H2AC6: variants seen among roughly 807,000 people sequenced by gnomAD.
The protein encoded by H2AC6 is histone H2A type 1-C.
H2AC6 carries 5 observed loss-of-function variants against 6.8 expected under a neutral mutation model. That is an observed-to-expected ratio of 0.73 (90% CI 0.38 to 1.54). The LOEUF is 1.54. Among genes scored for constraint, H2AC6 ranks in the 40% most tolerant of loss-of-function variants. The pLI, the probability that H2AC6 is intolerant of heterozygous loss-of-function variation, is 0.03. For missense variants in H2AC6, 154 were observed against 180.7 expected (o/e 0.85, Z 0.85); for synonymous variants, 146 against 79.2 (o/e 1.84, Z -4.48).
rs780681950 is a variant in H2AC6 at position 26,124,301 on chromosome 6, T to A, written c.69T>A (p.Gly23=). 1 of 1,613,218 alleles carries A rather than the reference T, an allele frequency of 6.2e-7. No homozygotes were observed. Among genetic ancestry groups the A allele is most frequent in the Non-Finnish European group, 8.5e-7 (1 of 1,179,472 alleles). ...CGAAATCCCGCTCTTCTCGCGCTGGTCTCCAGTTCCCGGTGGGCCGAGTGC... is the reference window on the plus strand; with the variant it reads ...CGAAATCCCGCTCTTCTCGCGCTGGACTCCAGTTCCCGGTGGGCCGAGTGC... ...AKAKSRSSRA[G]LQFPVGRVHR... The change falls in exon 1 of 1, where the codon GGT becomes GGA. Residue 23 remains glycine, a synonymous_variant. Coordinates refer to ENST00000377791, the MANE Select transcript of H2AC6 (RefSeq NM_003512.4).
At position 26,124,259 on chromosome 6, in the gene H2AC6, C is replaced by G. The variant is rs760441547; in HGVS notation, c.27C>G (p.Gly9=). The change falls in exon 1 of 1, where the codon GGC becomes GGG. Residue 9 remains glycine (G), a synonymous_variant. Transcript: ENST00000377791. The part of the protein sequence containing the change: MSGRGKQG[G]KARAKAKSRS... ...TGTCTGGACGTGGTAAGCAAGGAGG[C>G]AAAGCTCGCGCCAAAGCGAAATCCC... 1.2e-6 allele frequency: 2 copies of G among 1,603,650 alleles called. No individual in the cohort carries two copies. The highest frequency in any genetic ancestry group is 8.5e-7 in the Non-Finnish European group (1 of 1,174,418).
Position 26,124,222 on chromosome 6 carries a change from G to C in H2AC6, c.-11G>C. The C allele has an allele frequency of 6.4e-7, 1 of 1,559,608 alleles. No homozygotes were observed. Among genetic ancestry groups the C allele is most frequent in the African/African-American group, 1.4e-5 (1 of 72,814 alleles). The stretch of plus-strand genomic sequence containing the variant: ...TAGGCCGCTGGTTTTGGTGATTTTT[G>C]TCTGATTGCAATGTCTGGACGTGGT... On this transcript the variant is annotated 5_prime_UTR_variant, in exon 1 of 1. Transcript: ENST00000377791.
In H2AC6 at chr6:26,124,411, C is replaced by T. The variant is rs1318156425; in HGVS notation, c.179C>T (p.Thr60Ile). 2 of 1,614,186 alleles carry T rather than the reference C, an allele frequency of 1.2e-6. No individual in the cohort carries two copies. The highest frequency in any genetic ancestry group is 1.7e-6 in the Non-Finnish European group (2 of 1,180,040). Residue 60 changes from threonine to isoleucine, a missense_variant, in exon 1 of 1, where the codon ACC (threonine) becomes ATC (isoleucine). By Grantham distance (89) the Thr-to-Ile change is moderately conservative. This residue lies in a region of H2AC6 where 111 missense variants were observed against 91.9 expected (regional missense o/e 1.21). Coordinates refer to ENST00000377791, the MANE Select transcript of H2AC6 (RefSeq NM_003512.4). Reference protein sequence around the residue: ...VYLAAVLEYLTAEILELAGNA... With the variant: ...VYLAAVLEYLIAEILELAGNA... ...CTGGCGGCGGTGTTAGAGTACCTGA[C>T]CGCCGAGATCCTGGAGCTGGCCGGC...
Position 26,124,648 on chromosome 6 carries a change from G to T in H2AC6, c.*23G>T, listed in dbSNP as rs1561956628. 6.2e-7 allele frequency: 1 copy of T among 1,603,070 alleles called. No homozygotes were observed. The highest frequency in any genetic ancestry group is 1.1e-5 in the South Asian group (1 of 90,304). On this transcript the variant is annotated 3_prime_UTR_variant, in exon 1 of 1. Transcript: ENST00000377791. ...TGATTTGACAGGTATCTGAGCTCCC[G>T]GAAACGCTATCAAACCCAAAGGCTC...
rs61736059 is a variant in H2AC6, at chr6:26,124,550, C to A, written c.318C>A (p.Gly106=). 6.2e-7 allele frequency: 1 copy of A among 1,614,064 alleles called. No homozygotes were observed. Among genetic ancestry groups the A allele is most frequent in the African/African-American group, 1.3e-5 (1 of 74,908 alleles). ...KLLGRVTIAQ[G]GVLPNIQAVL... ...TAGGCCGGGTGACCATTGCTCAGGG[C>A]GGCGTCCTTCCTAACATCCAGGCCG... Residue 106 remains glycine, a synonymous_variant, in exon 1 of 1, where the codon GGC becomes GGA. Transcript: ENST00000377791.
chr6:26,124,631 C>A lies in H2AC6; in HGVS notation c.*6C>A. 4 of 1,610,680 alleles carry A rather than the reference C, an allele frequency of 2.5e-6. No homozygotes were observed. The highest frequency in any genetic ancestry group is 3.4e-6 in the Non-Finnish European group (4 of 1,177,492). ...ACAAGGCCAAGGGCAAGTGATTTGA[C>A]AGGTATCTGAGCTCCCGGAAACGCT... On this transcript the variant is annotated 3_prime_UTR_variant, in exon 1 of 1. Coordinates refer to ENST00000377791, the MANE Select transcript of H2AC6 (RefSeq NM_003512.4).
At position 26,124,172 on chromosome 6, in the gene H2AC6, G is replaced by C. The variant is rs182845983; in HGVS notation, c.-61G>C. 2.0e-6 allele frequency: 3 copies of C among 1,524,124 alleles called. No individual in the cohort carries two copies. Among genetic ancestry groups the C allele is most frequent in the Non-Finnish European group, 2.6e-6 (3 of 1,138,614 alleles). The allele number at this position is 1,524,124 out of a possible 1,614,324, so 94.4% of individuals were successfully genotyped here. ...AGCGGCCATGTTTTACATATTTCTTGATTTTGTTTGTTTTCTCGTGAGCTT... is the reference window on the plus strand; with the variant it reads ...AGCGGCCATGTTTTACATATTTCTTCATTTTGTTTGTTTTCTCGTGAGCTT... On this transcript the variant is annotated 5_prime_UTR_variant, in exon 1 of 1. Transcript: ENST00000377791.
rs1351701804 is a variant in H2AC6, at chr6:26,124,208, T to C, written c.-25T>C. On this transcript the variant is annotated 5_prime_UTR_variant, in exon 1 of 1. Transcript: ENST00000377791. Reference sequence around the variant, plus strand: ...TTTTCTCGTGAGCTTAGGCCGCTGGTTTTGGTGATTTTTGTCTGATTGCAA... The same window carrying C: ...TTTTCTCGTGAGCTTAGGCCGCTGGCTTTGGTGATTTTTGTCTGATTGCAA... 1.9e-6 allele frequency: 3 copies of C among 1,551,040 alleles called. No individual in the cohort carries two copies. In the East Asian group the frequency reaches 6.8e-5, roughly 35 times the overall value.
chr6:26,124,367 G>A lies in H2AC6; in HGVS notation c.135G>A (p.Gly45=). ...LRKGNYAERV[G]AGAPVYLAAV... is the part of the protein sequence containing the mutation. ...AAGGCAACTACGCAGAGCGGGTTGG[G>A]GCAGGCGCGCCGGTGTACCTGGCGG... Residue 45 remains glycine (G), a synonymous_variant, in exon 1 of 1, where the codon GGG becomes GGA. Coordinates refer to ENST00000377791, the MANE Select transcript of H2AC6 (RefSeq NM_003512.4). 4 of 1,614,122 alleles carry A rather than the reference G, an allele frequency of 2.5e-6. No homozygotes were observed. Among genetic ancestry groups the A allele is most frequent in the Non-Finnish European group, 3.4e-6 (4 of 1,180,024 alleles).
rs974940089 is a variant in H2AC6, at chr6:26,124,568, C to T, written c.336C>T (p.Ile112=). Residue 112 remains isoleucine, a synonymous_variant, in exon 1 of 1, where the codon ATC becomes ATT. Coordinates refer to ENST00000377791, the MANE Select transcript of H2AC6 (RefSeq NM_003512.4). The part of the protein sequence containing the change: ...TIAQGGVLPN[I]QAVLLPKKTE... ...CTCAGGGCGGCGTCCTTCCTAACAT[C>T]CAGGCCGTGCTTCTGCCTAAGAAGA... is the stretch of plus-strand genomic sequence containing the variant. 3 of 1,614,210 alleles carry T rather than the reference C, an allele frequency of 1.9e-6. No homozygotes were observed. The highest frequency in any genetic ancestry group is 2.2e-5 in the East Asian group (1 of 44,890).
In H2AC6 at chr6:26,124,400, A is replaced by G. The variant is rs779319951; in HGVS notation, c.168A>G (p.Leu56=). 2 of 1,614,076 alleles carry G rather than the reference A, an allele frequency of 1.2e-6. No individual in the cohort carries two copies. Among genetic ancestry groups the G allele is most frequent in the African/African-American group, 1.3e-5 (1 of 75,012 alleles). ...CGCCGGTGTACCTGGCGGCGGTGTT[A>G]GAGTACCTGACCGCCGAGATCCTGG... ...AGAPVYLAAV[L]EYLTAEILEL... Residue 56 remains leucine, a synonymous_variant, in exon 1 of 1, where the codon TTA becomes TTG. Coordinates refer to ENST00000377791, the MANE Select transcript of H2AC6 (RefSeq NM_003512.4).
rs752434712 is a variant in H2AC6, at chr6:26,124,670, G to C, written c.*45G>C. The C allele has an allele frequency of 6.3e-7, 1 of 1,584,586 alleles. No individual in the cohort carries two copies. Among genetic ancestry groups the C allele is most frequent in the South Asian group, 1.1e-5 (1 of 87,448 alleles). ...CCCGGAAACGCTATCAAACCCAAAGGCTCTTTTCAGAGCCCCCCTACCGTT... is the reference window on the plus strand; with the variant it reads ...CCCGGAAACGCTATCAAACCCAAAGCCTCTTTTCAGAGCCCCCCTACCGTT... On this transcript the variant is annotated 3_prime_UTR_variant, in exon 1 of 1. Coordinates refer to ENST00000377791, the MANE Select transcript of H2AC6 (RefSeq NM_003512.4).
rs765793757 is a variant in H2AC6, at chr6:26,124,263, G to A, written c.31G>A (p.Ala11Thr). 9 of 1,605,346 alleles carry A rather than the reference G, an allele frequency of 5.6e-6. No individual in the cohort carries two copies. In the South Asian group the frequency reaches 6.7e-5, roughly 12 times the overall value. ...TGGACGTGGTAAGCAAGGAGGCAAA[G>A]CTCGCGCCAAAGCGAAATCCCGCTC... MSGRGKQGGKARAKAKSRSSR... is the reference protein window; with the variant it reads MSGRGKQGGKTRAKAKSRSSR... Residue 11 changes from alanine (A) to threonine (T), a missense_variant, in exon 1 of 1, where the codon GCT becomes ACT. Ala to Thr is a moderately conservative substitution (Grantham distance 58). This residue lies in a region of H2AC6 where 111 missense variants were observed against 91.9 expected (regional missense o/e 1.21). Transcript: ENST00000377791.
In H2AC6 at chr6:26,124,282, C is replaced by A. The variant is rs1268282086; in HGVS notation, c.50C>A (p.Ser17Tyr). The A allele has an allele frequency of 6.2e-7, 1 of 1,610,880 alleles. No individual in the cohort carries two copies. The highest frequency in any genetic ancestry group is 1.3e-5 in the African/African-American group (1 of 74,928). The stretch of plus-strand genomic sequence containing the variant: ...GGCAAAGCTCGCGCCAAAGCGAAAT[C>A]CCGCTCTTCTCGCGCTGGTCTCCAG... ...QGGKARAKAK[S>Y]RSSRAGLQFP... The change falls in exon 1 of 1, where the codon TCC (serine) becomes TAC (tyrosine). Residue 17 changes from serine to tyrosine, a missense_variant. Transcript: ENST00000377791.
In H2AC6 at chr6:26,124,323, G is replaced by A. The variant is rs776171589; in HGVS notation, c.91G>A (p.Val31Met). The A allele has an allele frequency of 1.9e-6, 3 of 1,613,946 alleles. No individual in the cohort carries two copies. The highest frequency in any genetic ancestry group is 2.5e-6 in the Non-Finnish European group (3 of 1,179,910). The stretch of plus-strand genomic sequence containing the variant: ...TGGTCTCCAGTTCCCGGTGGGCCGA[G>A]TGCACCGCCTGCTCCGTAAAGGCAA... ...RAGLQFPVGR[V>M]HRLLRKGNYA... Residue 31 changes from valine (V) to methionine (M), a missense_variant, in exon 1 of 1, where the codon GTG becomes ATG. By Grantham distance (21) the Val-to-Met change is conservative. This residue lies in a region of H2AC6 where 111 missense variants were observed against 91.9 expected (regional missense o/e 1.21). Transcript: ENST00000377791.
chr6:26,124,265 T>C lies in H2AC6; in HGVS notation c.33T>C (p.Ala11=), dbSNP rs1763580305. 1 of 1,606,140 alleles carries C rather than the reference T, an allele frequency of 6.2e-7. No homozygotes were observed. Among genetic ancestry groups the C allele is most frequent in the Non-Finnish European group, 8.5e-7 (1 of 1,175,676 alleles). Residue 11 remains alanine, a synonymous_variant, in exon 1 of 1, where the codon GCT becomes GCC. Transcript: ENST00000377791. The part of the protein sequence containing the change: MSGRGKQGGK[A]RAKAKSRSSR... Reference sequence around the variant, plus strand: ...GACGTGGTAAGCAAGGAGGCAAAGCTCGCGCCAAAGCGAAATCCCGCTCTT... The same window carrying C: ...GACGTGGTAAGCAAGGAGGCAAAGCCCGCGCCAAAGCGAAATCCCGCTCTT...
At position 26,124,683 on chromosome 6, in the gene H2AC6, C is replaced by G; in HGVS notation, c.*58C>G. The G allele has an allele frequency of 6.4e-7, 1 of 1,566,486 alleles. No individual in the cohort carries two copies. The highest frequency in any genetic ancestry group is 1.2e-5 in the South Asian group (1 of 84,636). ...TCAAACCCAAAGGCTCTTTTCAGAG[C>G]CCCCCTACCGTTTCAAAGGAAGAGC... On this transcript the variant is annotated 3_prime_UTR_variant, in exon 1 of 1. Transcript: ENST00000377791.
rs1046301797 is a variant in H2AC6 at position 26,124,682 on chromosome 6, G to T, written c.*57G>T. ...ATCAAACCCAAAGGCTCTTTTCAGA[G>T]CCCCCCTACCGTTTCAAAGGAAGAG... On this transcript the variant is annotated 3_prime_UTR_variant, in exon 1 of 1. Coordinates refer to ENST00000377791, the MANE Select transcript of H2AC6 (RefSeq NM_003512.4). 7 of 1,570,770 alleles carry T rather than the reference G, an allele frequency of 4.5e-6. No homozygotes were observed. Among genetic ancestry groups the T allele is most frequent in the Non-Finnish European group, 5.2e-6 (6 of 1,156,076 alleles).
rs1230287694 is a variant in H2AC6 at position 26,124,612 on chromosome 6, C to T, written c.380C>T (p.Ala127Val). The change falls in exon 1 of 1, where the codon GCC becomes GTC. Residue 127 changes from alanine to valine, a missense_variant. Around this residue, in one of 2 missense-constraint regions of H2AC6, gnomAD observed 43 missense variants for 88.7 expected, o/e 0.48. Transcript: ENST00000377791. ...LPKKTESHHK[A>V]KGK ...AAGAAGACCGAGAGTCACCACAAGG[C>T]CAAGGGCAAGTGATTTGACAGGTAT... 2.5e-6 allele frequency: 4 copies of T among 1,613,206 alleles called. No homozygotes were observed. The highest frequency in any genetic ancestry group is 2.7e-5 in the African/African-American group (2 of 74,902).
Sources: allele counts gnomAD v4.1 joint callset, GRCh38; gene constraint gnomAD v4.1.1; regional missense constraint gnomAD v4.1.1; transcripts MANE v1.5; gene names NCBI Gene and HGNC (gene_info 2026-07-23, HGNC 2026-07-21).